The following CUX1 variants were observed in gnomAD, a reference collection of about 807,000 sequenced individuals.
CUX1 encodes cut like homeobox 1.
In CUX1, 31 loss-of-function variants were observed where a neutral mutation model predicts 158.8. The observed-to-expected ratio is 0.20, with a 90% confidence interval of 0.15 to 0.26. CUX1 has a LOEUF of 0.26. Among genes scored for constraint, CUX1 ranks in the 10% least tolerant of loss-of-function variants. The probability of loss-of-function intolerance (pLI) is 1.00; values close to 1 mark genes in which losing one functional copy is unlikely to be tolerated. For missense variants in CUX1, 1,589 were observed against 2,014.6 expected (o/e 0.79, Z 4.04); for synonymous variants, 879 against 862.1 (o/e 1.02, Z -0.34).
chr7:102,083,563 C>T (rs1827668047), intron 4 of CUX1, among the ~76,000 whole-genome samples: 1 of 147,398 alleles, frequency 6.8e-6, no homozygotes, highest in East Asian at 1.9e-4. Flanking sequence ...ACCTTGGCCT[C>T]ACGAAGTGCT....
intron 6 of CUX1, among the ~76,000 whole-genome samples, chr7:102,105,703 G>A (rs2131004069): frequency 6.6e-6 from 1 of 151,872 alleles, no homozygotes; most frequent in African/African-American, 2.4e-5. Context: ...AGTAGAGTTG[G>A]GGTTTCACCA....
At chr7:102,073,301 A>G (rs889213521) in intron 4 of CUX1, among the ~76,000 whole-genome samples, 1 of 148,262 alleles carries the variant, frequency 6.7e-6, no homozygotes, top group Admixed American at 6.8e-5. Context: ...AGCCTCCCAC[A>G]TAGCTGTGAT....
intron 2 of CUX1, among the ~76,000 whole-genome samples, chr7:101,935,994 T>G (rs1171610789): frequency 6.6e-6 from 1 of 152,102 alleles, no homozygotes; most frequent in African/African-American, 2.4e-5. Context: ...AAGCGGTGGT[T>G]ATGTCTTATT....
At chr7:102,261,076 G>A (rs546348092), downstream of CUX1, among the ~76,000 whole-genome samples, 16 of 152,388 alleles carry the variant, frequency 1.0e-4, no homozygotes, top group African/African-American at 3.4e-4. Flanking sequence ...CTTAGCAACC[G>A]ACTCATGCAG....
chr7:102,132,308 T>TGC (rs369163250), intron 8 of CUX1, among the ~76,000 whole-genome samples: 28,120 of 56,806 alleles, frequency 0.5, 3,474 homozygotes, highest in Middle Eastern at 0.59. Context: ...TGTGTGTGTG[T>TGC]GCGCGCGCGC....
At chr7:101,956,195 G>A (rs1018298990) in intron 2 of CUX1, among the ~76,000 whole-genome samples, 2 of 150,398 alleles carry the variant, frequency 1.3e-5, no homozygotes, top group African/African-American at 4.9e-5. Flanking sequence ...AACATTCAGC[G>A]TGGCCGGCTC....
intron 1 of CUX1, chr7:101,913,413 A>C (rs748750572): frequency 7.9e-7 from 1 of 1,259,440 alleles, no homozygotes; most frequent in Non-Finnish European, 1.0e-6. Flanking sequence ...CCGCAGGCGC[A>C]CTGGCTCTGC....
At chr7:102,172,788 G>A (rs1417543996) in intron 10 of CUX1, among the ~76,000 whole-genome samples, 2 of 152,158 alleles carry the variant, frequency 1.3e-5, no homozygotes, top group African/African-American at 2.4e-5. Flanking sequence ...GTTGCTGGGC[G>A]CAGTGGCTCA....
chr7:101,921,522 G>A (rs1246822382), intron 2 of CUX1, among the ~76,000 whole-genome samples: 4 of 151,932 alleles, frequency 2.6e-5, no homozygotes, highest in East Asian at 1.9e-4. Flanking sequence ...CTGCAGTGGC[G>A]CCATCTCTGC....
intron 4 of CUX1, among the ~76,000 whole-genome samples, chr7:102,087,255 C>G (rs1828042909): frequency 6.6e-6 from 1 of 151,980 alleles, no homozygotes; most frequent in Admixed American, 6.6e-5. Context: ...ATCTTATTAG[C>G]TATAACTCTT....
At chr7:102,193,190 G>A (rs547871115) in intron 12 of CUX1, among the ~76,000 whole-genome samples, 1 of 152,344 alleles carries the variant, frequency 6.6e-6, no homozygotes, top group South Asian at 2.1e-4. Flanking sequence ...GGCCGCCCTG[G>A]TGGGTTCCCC....
At chr7:101,954,847 C>T (rs1297190901) in intron 2 of CUX1, among the ~76,000 whole-genome samples, 1 of 151,898 alleles carries the variant, frequency 6.6e-6, no homozygotes, top group African/African-American at 2.4e-5. Flanking sequence ...GGATGCATTA[C>T]ATAGAAATAT....
intron 19 of CUX1, 145 bp downstream of exon 19, chr7:102,204,701 C>A: frequency 9.2e-7 from 1 of 1,082,756 alleles, no homozygotes; most frequent in Non-Finnish European, 1.3e-6. Flanking sequence ...TGGGCTGGTG[C>A]TGGGGGACAG....
At chr7:101,928,734 G>T (rs998032831) in intron 2 of CUX1, among the ~76,000 whole-genome samples, 4 of 146,938 alleles carry the variant, frequency 2.7e-5, no homozygotes, top group African/African-American at 1.0e-4. Flanking sequence ...GCAGGGGCGC[G>T]ATCTCGGCTC....
intron 9 of CUX1, among the ~76,000 whole-genome samples, chr7:102,164,756 GCGGGTAGGGCAGCAGGGCCTTAGCC>G (rs1563334882): frequency 1.3e-5 from 2 of 152,182 alleles, no homozygotes; most frequent in African/African-American, 4.8e-5. Context: ...ATTGCATGCT[GCGGGTAGGGCAGCAGGGCCTTAGCC>G]CATCATCAGC....
chr7:102,025,992 C>T (rs1819975827), intron 2 of CUX1, among the ~76,000 whole-genome samples: 1 of 152,120 alleles, frequency 6.6e-6, no homozygotes, highest in Admixed American at 6.6e-5. Context: ...GCCTGGGCAA[C>T]ATAGCAAGAC....
intron 16 of CUX1, among the ~76,000 whole-genome samples, chr7:102,199,819 A>G (rs1470962300): frequency 2.0e-5 from 3 of 152,240 alleles, no homozygotes; most frequent in Non-Finnish European, 2.9e-5. Context: ...TCTCCCGGGT[A>G]CTAACCCACG....
chr7:102,062,881 G>C (rs985732823), intron 3 of CUX1, among the ~76,000 whole-genome samples: 30 of 152,126 alleles, frequency 2.0e-4, no homozygotes, highest in Non-Finnish European at 4.0e-4. Context: ...GAGGCGGGCG[G>C]ATCACCTGAG....
intron 1 of CUX1, among the ~76,000 whole-genome samples, chr7:101,855,235 C>G (rs1032869167): frequency 3.3e-5 from 5 of 152,242 alleles, no homozygotes. Context: ...AAACCCTGGC[C>G]GCCTTTCCAA....
Sources: allele counts gnomAD v4.1 joint callset (sites outside exome capture counted in the v4.1 genomes callset), GRCh38; gene constraint gnomAD v4.1.1; transcripts MANE v1.5; gene names NCBI Gene and HGNC (gene_info 2026-07-23, HGNC 2026-07-21).